LRPPRC: variants seen among roughly 807,000 people sequenced by gnomAD.
The protein encoded by LRPPRC is leucine rich pentatricopeptide repeat containing, also known as leucine-rich PPR motif-containing protein, mitochondrial.
In LRPPRC, 120 loss-of-function variants were observed where a neutral mutation model predicts 180.3. That is an observed-to-expected ratio of 0.67 (90% confidence interval 0.57 to 0.77). The LOEUF is 0.77. Among genes scored for constraint, LRPPRC ranks in the 30% least tolerant of loss-of-function variants. The pLI is 0.00. For synonymous variants in LRPPRC, 723 were observed against 600.0 expected (o/e 1.21, Z -3.00); for missense variants, 2,012 against 1,657.2 (o/e 1.21, Z -3.72).
At position 43,901,425 on chromosome 2, in the gene LRPPRC, A is replaced by G. The variant is rs200919862; in HGVS notation, c.3464T>C (p.Val1155Ala). 1.9e-6 allele frequency: 3 copies of G among 1,613,704 alleles called. No individual in the cohort carries two copies. The highest frequency in any genetic ancestry group is 2.2e-5 in the East Asian group (1 of 44,874). Residue 1155 changes from valine (V) to alanine (A), a missense_variant, in exon 32 of 38, where the codon GTT (valine) becomes GCT (alanine). By Grantham distance (64) the Val-to-Ala change is moderately conservative (BLOSUM62 0). Transcript: ENST00000260665. Reference sequence around the variant, plus strand: ...CTTCTGAACTACTTCTATGTTTTCAACATCACCCTTCATGGCCAATGCCTG... The same window carrying G: ...CTTCTGAACTACTTCTATGTTTTCAGCATCACCCTTCATGGCCAATGCCTG... ...VIQALAMKGD[V>A]ENIEVVQKML... is the part of the protein sequence containing the mutation.
chr2:43,976,523 A>C (rs987294479), intron 5 of LRPPRC, among the ~76,000 whole-genome samples: 1 of 152,086 alleles, frequency 6.6e-6, no homozygotes, highest in Non-Finnish European at 1.5e-5. Flanking sequence ...TAGTTTCATA[A>C]GATTCTTTTA....
chr2:43,980,287 G>A lies in LRPPRC; in HGVS notation c.347-339C>T, dbSNP rs567885030. Among the ~76,000 whole-genome samples the A allele has an allele frequency of 2.0e-5, 3 of 152,144 alleles. No individual in the cohort carries two copies. The East Asian group carries it at 5.8e-4, about 29-fold the overall frequency. On this transcript the variant is annotated intron_variant, in intron 2 of 37. Coordinates refer to ENST00000260665, the MANE Select transcript of LRPPRC (RefSeq NM_133259.4). ...AGTATCTTATGAAAACAGTATAAAG[G>A]GCCAGGCGCGAATCCCAGTACTTTG...
rs758668365 is a variant in LRPPRC, at chr2:43,974,304, A to G, written c.1010-9T>C. On this transcript the variant is annotated splice_polypyrimidine_tract_variant and intron_variant, in intron 8 of 37. Coordinates refer to ENST00000260665, the MANE Select transcript of LRPPRC (RefSeq NM_133259.4). ...AATGAGGTTCATTGCATCTGGGAAGAAAACAAAGACATCTTTTGTTAATAA... is the reference window on the plus strand; with the variant it reads ...AATGAGGTTCATTGCATCTGGGAAGGAAACAAAGACATCTTTTGTTAATAA... The G allele has an allele frequency of 1.2e-6, 2 of 1,602,946 alleles. No homozygotes were observed. The highest frequency in any genetic ancestry group is 2.2e-5 in the East Asian group (1 of 44,832).
chr2:43,934,670 G>T, intron 24 of LRPPRC, 84 bp downstream of exon 24: 1 of 1,230,266 alleles, frequency 8.1e-7, no homozygotes, highest in Non-Finnish European at 1.2e-6. Context: ...CTGGCCTTCT[G>T]CTGGTTTCTC....
chr2:43,939,889 C>T (rs906733370), intron 23 of LRPPRC, among the ~76,000 whole-genome samples: 1 of 152,174 alleles, frequency 6.6e-6, no homozygotes, highest in Non-Finnish European at 1.5e-5. Context: ...CGGTGTTAAA[C>T]AACTGAATGA....
At chr2:43,895,547 C>T (rs562383233) in intron 35 of LRPPRC, among the ~76,000 whole-genome samples, 4 of 152,186 alleles carry the variant, frequency 2.6e-5, no homozygotes, top group African/African-American at 9.6e-5. Context: ...TTTAATCACA[C>T]GTATAAAAAC....
At position 43,886,630 on chromosome 2, in the gene LRPPRC, T is replaced by C. The variant is rs2104963682; in HGVS notation, c.*1970A>G. The C allele has an allele frequency of 6.6e-6, 1 of 152,254 alleles. No homozygotes were observed. The highest frequency in any genetic ancestry group is 1.5e-5 in the Non-Finnish European group (1 of 68,028). The allele number at this position is 152,254 out of a possible 1,614,324, so 9.4% of individuals were successfully genotyped here. On this transcript the variant is annotated 3_prime_UTR_variant, in exon 38 of 38. Transcript: ENST00000260665. Reference sequence around the variant, plus strand: ...GTACCACACTCACATTTTACCAGAGTCCATATACAGGGCCAGTGTGGAGTC... The same window carrying C: ...GTACCACACTCACATTTTACCAGAGCCCATATACAGGGCCAGTGTGGAGTC...
intron 1 of LRPPRC, among the ~76,000 whole-genome samples, chr2:43,985,959 T>G (rs191436426): frequency 2.6e-5 from 4 of 152,230 alleles, no homozygotes; most frequent in Non-Finnish European, 5.9e-5. Context: ...TTGTCCTACA[T>G]GCTTGCCAGT....
At chr2:43,940,108 C>G (rs768821855) in intron 23 of LRPPRC, among the ~76,000 whole-genome samples, 2 of 152,150 alleles carry the variant, frequency 1.3e-5, no homozygotes, top group Non-Finnish European at 2.9e-5. Flanking sequence ...TGATCCTTGA[C>G]GAAAAATCAT....
rs148065865 is a variant in LRPPRC, at chr2:43,918,437, T to C, written c.2897-39A>G. ...TTAAGCAGAAATTAATCAATAAATA[T>C]GCTAAACAGAATACACAAAAATATT... On this transcript the variant is annotated intron_variant, in intron 27 of 37. Transcript: ENST00000260665. 7.6e-3 allele frequency: 10,741 copies of C among 1,416,460 alleles called. 64 individuals are homozygous for C. Among genetic ancestry groups the C allele is most frequent in the Non-Finnish European group, 8.5e-3 (8,536 of 1,001,796 alleles). 87.7% of individuals were successfully genotyped at this position (1,416,460 alleles called of 1,614,324 possible).
chr2:43,915,437 C>A (rs1359067848), intron 29 of LRPPRC, among the ~76,000 whole-genome samples: 1 of 152,066 alleles, frequency 6.6e-6, no homozygotes, highest in Non-Finnish European at 1.5e-5. Flanking sequence ...GTAATCCCAG[C>A]AACTTCGGGA....
rs757886100 is a variant in LRPPRC, at chr2:43,948,368, T to A, written c.1842+44A>T. ...AGCAATTTCAAATCTAATAGATACATGTCAGGCAGGACAGGCATTATATAG... is the reference window on the plus strand; with the variant it reads ...AGCAATTTCAAATCTAATAGATACAAGTCAGGCAGGACAGGCATTATATAG... On this transcript the variant is annotated intron_variant, in intron 17 of 37. Coordinates refer to ENST00000260665, the MANE Select transcript of LRPPRC (RefSeq NM_133259.4). 6 of 1,179,670 alleles carry A rather than the reference T, an allele frequency of 5.1e-6. 1 individual carries two copies. The South Asian group carries it at 6.1e-5, about 12-fold the overall frequency. The allele number at this position is 1,179,670 out of a possible 1,614,324, so 73.1% of individuals were successfully genotyped here. A position where few individuals can be genotyped will look rare whatever the true frequency, so the allele number is the denominator to read the frequency against.
intron 27 of LRPPRC, among the ~76,000 whole-genome samples, chr2:43,919,998 G>A (rs561887269): frequency 7.1e-6 from 1 of 141,020 alleles, no homozygotes; most frequent in Non-Finnish European, 1.5e-5. Flanking sequence ...TAAGTTTTTT[G>A]ATAACTAATG....
chr2:43,923,569 T>C (rs1201359457), intron 27 of LRPPRC, among the ~76,000 whole-genome samples: 3 of 152,210 alleles, frequency 2.0e-5, no homozygotes, highest in Non-Finnish European at 2.9e-5. Context: ...GGCCTTAGAC[T>C]ACCACATACT....
At chr2:43,952,018 A>C (rs1044457596) in intron 14 of LRPPRC, among the ~76,000 whole-genome samples, 21 of 151,946 alleles carry the variant, frequency 1.4e-4, no homozygotes, top group African/African-American at 5.1e-4. Flanking sequence ...ACATGGAGAA[A>C]CCCCATCTCT....
chr2:43,956,664 T>A (rs1673129977), intron 14 of LRPPRC, among the ~76,000 whole-genome samples: 1 of 152,064 alleles, frequency 6.6e-6, no homozygotes, highest in African/African-American at 2.4e-5. Flanking sequence ...CCGAGGCAGG[T>A]GAATCACCTG....
intron 36 of LRPPRC, among the ~76,000 whole-genome samples, chr2:43,892,054 C>T (rs1261278973): frequency 6.6e-6 from 1 of 152,184 alleles, no homozygotes; most frequent in African/African-American, 2.4e-5. Context: ...CTAATACTAG[C>T]AGAGGCTGGT....
At chr2:43,911,017 G>T (rs1228718643) in intron 30 of LRPPRC, among the ~76,000 whole-genome samples, 2 of 151,838 alleles carry the variant, frequency 1.3e-5, no homozygotes, top group Non-Finnish European at 2.9e-5. Context: ...GGTTGGGATG[G>T]AGAGTTTCAT....
intron 2 of LRPPRC, among the ~76,000 whole-genome samples, 177 bp from the exon 3 acceptor site, chr2:43,980,125 C>T (rs889502027): frequency 6.6e-6 from 1 of 152,106 alleles, no homozygotes; most frequent in Non-Finnish European, 1.5e-5. Context: ...ACAAGTCAAA[C>T]TTTAAATATT....
Sources: gnomAD v4.1 joint callset for allele counts (sites outside exome capture counted in the v4.1 genomes callset) on GRCh38, gnomAD v4.1.1 for gene constraint, MANE v1.5 for transcripts, NCBI Gene and HGNC (gene_info 2026-07-23, HGNC 2026-07-21) for gene names.